GULP1: variants seen among roughly 807,000 people sequenced by gnomAD.
The protein encoded by GULP1 is PTB domain-containing engulfment adapter protein 1.
GULP1 carries 19 observed loss-of-function variants against 40.9 expected under a neutral mutation model. The ratio of observed to expected loss-of-function variants is 0.46; its 90% confidence interval spans 0.32 to 0.68. The LOEUF (loss-of-function observed/expected upper bound fraction) is 0.68, where lower values mean the gene tolerates loss of function less well. GULP1 is among the 30% of genes least tolerant of loss of function. GULP1 has a pLI of 0.03. For synonymous variants in GULP1, 119 were observed against 117.6 expected, an observed-to-expected ratio of 1.01 and a Z score of -0.08; for missense variants, 312 against 362.2, an observed-to-expected ratio of 0.86 and a Z score of 1.12.
intron 1 of GULP1, among the ~76,000 whole-genome samples, chr2:188,347,494 TC>T (rs1673782618): frequency 6.6e-6 from 1 of 152,188 alleles, no homozygotes; most frequent in Non-Finnish European, 1.5e-5. Context: ...ATCTAAATGT[TC>T]TTCAAAAAGT....
chr2:188,396,309 G>C (rs1015773984), intron 2 of GULP1, among the ~76,000 whole-genome samples: 2 of 152,234 alleles, frequency 1.3e-5, no homozygotes, highest in African/African-American at 4.8e-5. Context: ...GGAAAGATCC[G>C]AGCTGTGGTT....
At chr2:188,566,660 G>T (rs978024428) in intron 7 of GULP1, among the ~76,000 whole-genome samples, 13 of 151,636 alleles carry the variant, frequency 8.6e-5, no homozygotes, top group Non-Finnish European at 1.8e-4. Flanking sequence ...GCTGGGTGTG[G>T]TGGTGCGTGC....
chr2:188,529,822 G>T (rs538153030), intron 6 of GULP1, among the ~76,000 whole-genome samples: 23 of 152,166 alleles, frequency 1.5e-4, no homozygotes, highest in Non-Finnish European at 3.1e-4. Context: ...CCATACTCAT[G>T]GCCTTATTTT....
intron 4 of GULP1, among the ~76,000 whole-genome samples, chr2:188,501,763 C>G (rs574613355): frequency 6.6e-6 from 1 of 151,896 alleles, no homozygotes; most frequent in Admixed American, 6.6e-5. Context: ...AAAAAGGATG[C>G]CCCTGTGTCT....
At chr2:188,528,908 G>A (rs1294460349) in intron 5 of GULP1, among the ~76,000 whole-genome samples, 189 bp from the exon 6 acceptor site, 1 of 152,126 alleles carries the variant, frequency 6.6e-6, no homozygotes, top group Non-Finnish European at 1.5e-5. Context: ...GAAAATCAAT[G>A]TGAATTATAA....
chr2:188,512,062 A>AC (rs940658362), intron 4 of GULP1, among the ~76,000 whole-genome samples: 1 of 152,142 alleles, frequency 6.6e-6, no homozygotes, highest in African/African-American at 2.4e-5. Context: ...TGGCAATGGG[A>AC]CCATAGGAAG....
chr2:188,493,977 T>C (rs2062659024), intron 4 of GULP1, among the ~76,000 whole-genome samples: 1 of 152,044 alleles, frequency 6.6e-6, no homozygotes, highest in Non-Finnish European at 1.5e-5. Context: ...TTGCTGACCC[T>C]TGTAGGTTTG....
intron 1 of GULP1, chr2:188,293,119 T>C (rs1559077203): frequency 1.3e-5 from 2 of 152,162 alleles, no homozygotes; most frequent in Admixed American, 1.3e-4. Flanking sequence ...CAAGGTAGAG[T>C]AAGGAAGACT....
intron 4 of GULP1, 25 bp downstream of exon 4, chr2:188,483,517 A>C (rs1383787942): frequency 1.9e-6 from 2 of 1,037,756 alleles, no homozygotes; most frequent in East Asian, 2.6e-5. Flanking sequence ...TTTATTATTT[A>C]ATTTTATTTT....
At chr2:188,350,182 G>T (rs1432280432) in intron 1 of GULP1, among the ~76,000 whole-genome samples, 1 of 151,914 alleles carries the variant, frequency 6.6e-6, no homozygotes, top group Non-Finnish European at 1.5e-5. Flanking sequence ...TCCATTCTGG[G>T]TTCCTTGTAT....
At chr2:188,522,968 C>T in intron 5 of GULP1, 141 bp downstream of exon 5, 1 of 540,748 alleles carries the variant, frequency 1.8e-6, no homozygotes, top group Non-Finnish European at 3.4e-6. Flanking sequence ...CAAATGTAAT[C>T]ATATCAAGGA....
intron 3 of GULP1, 62 bp downstream of exon 3, chr2:188,477,792 C>A (rs889051426): frequency 8.1e-7 from 1 of 1,236,704 alleles, no homozygotes; most frequent in Non-Finnish European, 1.1e-6. Flanking sequence ...ACATAAGCAG[C>A]GATGTTAAGA....
intron 4 of GULP1, among the ~76,000 whole-genome samples, chr2:188,518,701 G>C (rs1317061484): frequency 6.6e-6 from 1 of 152,130 alleles, no homozygotes; most frequent in Non-Finnish European, 1.5e-5. Flanking sequence ...GCAGGCACCA[G>C]TTGTGTCCAC....
chr2:188,514,082 T>TGTGTGTGTGTGTGTGC (rs766246317), intron 4 of GULP1, among the ~76,000 whole-genome samples: 35 of 149,348 alleles, frequency 2.3e-4, no homozygotes, highest in South Asian at 1.3e-3. Context: ...TGTGTGTGTG[T>TGTGTGTGTGTGTGTGC]GCGCCCTGCC....
chr2:188,565,092 C>T (rs539789814), intron 7 of GULP1, among the ~76,000 whole-genome samples: 11 of 151,776 alleles, frequency 7.2e-5, no homozygotes, highest in South Asian at 2.1e-4. Flanking sequence ...TAATCTTATA[C>T]GTAACTTTCA....
At chr2:188,574,639 A>G (rs951683012) in intron 9 of GULP1, among the ~76,000 whole-genome samples, 3 of 152,072 alleles carry the variant, frequency 2.0e-5, no homozygotes, top group African/African-American at 7.2e-5. Flanking sequence ...ACAGAGTAAG[A>G]CCCTGTCTCA....
Position 188,595,853 on chromosome 2 carries a change from T to G in GULP1, c.*1842T>G, listed in dbSNP as rs538664927. The G allele has an allele frequency of 6.6e-6, 1 of 152,302 alleles. No individual in the cohort carries two copies. Among genetic ancestry groups the G allele is most frequent in the Non-Finnish European group, 1.5e-5 (1 of 67,822 alleles). The allele number at this position is 152,302 out of a possible 1,614,324, so 9.4% of individuals were successfully genotyped here. A position where few individuals can be genotyped will look rare whatever the true frequency, so the allele number is the denominator to read the frequency against. On this transcript the variant is annotated 3_prime_UTR_variant, in exon 12 of 12. Transcript: ENST00000409830. The stretch of plus-strand genomic sequence containing the variant: ...TCTCCAGTGCGTTTTTATGAAGATC[T>G]GGTTGAAAATTGTATTTCTATGTAA...
At chr2:188,478,420 A>G (rs2061200996) in intron 3 of GULP1, among the ~76,000 whole-genome samples, 1 of 152,098 alleles carries the variant, frequency 6.6e-6, no homozygotes, top group Admixed American at 6.6e-5. Context: ...TATCCTTTCC[A>G]TTCTCAAAGG....
chr2:188,368,100 G>A (rs2047044934), intron 1 of GULP1, among the ~76,000 whole-genome samples: 1 of 151,814 alleles, frequency 6.6e-6, no homozygotes, highest in Non-Finnish European at 1.5e-5. Flanking sequence ...CAGCTGCAGG[G>A]TATGATTTTG....
Sources: allele counts gnomAD v4.1 joint callset (sites outside exome capture counted in the v4.1 genomes callset), GRCh38; gene constraint gnomAD v4.1.1; transcripts MANE v1.5; gene names NCBI Gene and HGNC (gene_info 2026-07-23, HGNC 2026-07-21).